ZDHHC7: variants seen among roughly 807,000 people sequenced by gnomAD.
ZDHHC7 encodes the protein zDHHC palmitoyltransferase 7, also known as palmitoyltransferase ZDHHC7.
A neutral mutation model predicts 34.1 loss-of-function variants in ZDHHC7; 12 were observed. The observed-to-expected ratio is 0.35, with a 90% confidence interval of 0.23 to 0.57. The LOEUF (loss-of-function observed/expected upper bound fraction) is 0.57, where lower values mean the gene tolerates loss of function less well. Among genes scored for constraint, ZDHHC7 ranks in the 20% least tolerant of loss-of-function variants. The pLI is 0.84. For synonymous variants in ZDHHC7, 185 were observed against 155.4 expected (o/e 1.19, Z -1.42); for missense variants, 388 against 402.7 (o/e 0.96, Z 0.31).
At chr16:85,000,554 G>C (rs1278181129) in intron 1 of ZDHHC7, among the ~76,000 whole-genome samples, 1 of 152,152 alleles carries the variant, frequency 6.6e-6, no homozygotes, top group Admixed American at 6.5e-5. Flanking sequence ...CCACCCTAGA[G>C]TCTGGTATCC....
At chr16:85,003,912 T>C (rs752531343) in intron 1 of ZDHHC7, among the ~76,000 whole-genome samples, 3 of 152,160 alleles carry the variant, frequency 2.0e-5, no homozygotes, top group African/African-American at 4.8e-5. Context: ...TCTGACTGGA[T>C]ACTTCTCCTC....
chr16:84,997,082 T>C (rs1597553373), intron 1 of ZDHHC7, among the ~76,000 whole-genome samples: 1 of 148,016 alleles, frequency 6.8e-6, no homozygotes, highest in African/African-American at 2.5e-5. Flanking sequence ...AAAACAGAAA[T>C]GAAGGGTAAG....
intron 1 of ZDHHC7, among the ~76,000 whole-genome samples, chr16:85,010,638 C>A (rs1463450346): frequency 1.3e-5 from 2 of 152,162 alleles, no homozygotes; most frequent in East Asian, 1.9e-4. Context: ...TCCAATTTAA[C>A]GGCCACAATA....
chr16:85,012,380 C>CAAAA (rs34555910), upstream of ZDHHC7, among the ~76,000 whole-genome samples: 1 of 116,628 alleles, frequency 8.6e-6, no homozygotes, highest in African/African-American at 3.1e-5. Context: ...TGAACAGTCT[C>CAAAA]AAAAAAAAAA....
chr16:84,979,396 C>A, intron 4 of ZDHHC7, 111 bp from the exon 5 acceptor site: 1 of 1,402,112 alleles, frequency 7.1e-7, no homozygotes, highest in African/African-American at 1.5e-5. Flanking sequence ...TCTAATACAA[C>A]ATGTCAAAAA....
At chr16:84,990,664 A>G (rs2072498199) in intron 2 of ZDHHC7, 29 bp from the exon 3 acceptor site, 1 of 1,569,326 alleles carries the variant, frequency 6.4e-7, no homozygotes. Context: ...CAGAGCTGGT[A>G]AGGCTCAAAA....
At chr16:84,992,484 GA>G (rs1384574119) in intron 2 of ZDHHC7, among the ~76,000 whole-genome samples, 1 of 152,038 alleles carries the variant, frequency 6.6e-6, no homozygotes, top group African/African-American at 2.4e-5. Flanking sequence ...GAAACAAAAA[GA>G]AAAAAGTGCA....
At chr16:85,015,194 G>C (rs917478414), upstream of ZDHHC7, among the ~76,000 whole-genome samples, 1 of 151,708 alleles carries the variant, frequency 6.6e-6, no homozygotes, top group African/African-American at 2.4e-5. Context: ...CCGCGTCCCA[G>C]GTTCAAGCGA....
intron 3 of ZDHHC7, among the ~76,000 whole-genome samples, chr16:84,986,098 C>A (rs79623702): frequency 8.5e-5 from 13 of 152,108 alleles, no homozygotes; most frequent in Non-Finnish European, 1.3e-4. Flanking sequence ...AAGATACACA[C>A]GTTTACAAAT....
At chr16:85,021,091 C>G in the ZDHHC7 span, among the ~76,000 whole-genome samples, 1,560 of 150,030 alleles carry the variant, frequency 0.01, 34 homozygotes, top group African/African-American at 0.037. Flanking sequence ...AGTGACAGAG[C>G]AAGACCCTCT....
At chr16:85,020,644 G>A in the ZDHHC7 span, among the ~76,000 whole-genome samples, 1 of 152,134 alleles carries the variant, frequency 6.6e-6, no homozygotes, top group African/African-American at 2.4e-5. Context: ...ATTCTTTAAG[G>A]CCCTGCGAGG....
intron 2 of ZDHHC7, among the ~76,000 whole-genome samples, chr16:84,990,933 C>T (rs139100294): frequency 1.9e-3 from 284 of 152,310 alleles, no homozygotes; most frequent in Middle Eastern, 0.01. Flanking sequence ...ACGCGAAGTC[C>T]CAGCACTGGG....
intron 1 of ZDHHC7, among the ~76,000 whole-genome samples, chr16:84,999,737 A>G (rs1436877428): frequency 6.6e-6 from 1 of 152,230 alleles, no homozygotes; most frequent in East Asian, 1.9e-4. Flanking sequence ...CCAAGGTAAC[A>G]TTGTAAGTTG....
chr16:84,977,918 A>T lies in ZDHHC7; in HGVS notation c.619+6T>A, dbSNP rs1473411663. The T allele has an allele frequency of 5.0e-6, 8 of 1,611,926 alleles. No individual in the cohort carries two copies. The highest frequency in any genetic ancestry group is 6.8e-6 in the Non-Finnish European group (8 of 1,178,220). On this transcript the variant is annotated splice_donor_region_variant and intron_variant, in intron 6 of 7. Coordinates refer to ENST00000313732, the MANE Select transcript of ZDHHC7 (RefSeq NM_017740.3). ...GCCAGGAATGACACATAGCCAGGGA[A>T]CTTACCAGTCCACTGCCCTCGGACA...
At chr16:85,012,734 A>G (rs2072810570), upstream of ZDHHC7, among the ~76,000 whole-genome samples, 1 of 151,884 alleles carries the variant, frequency 6.6e-6, no homozygotes, top group African/African-American at 2.4e-5. Flanking sequence ...GCGAAACCCC[A>G]TCTCTACTAA....
chr16:84,999,004 C>T (rs1252615112), intron 1 of ZDHHC7, among the ~76,000 whole-genome samples: 1 of 152,208 alleles, frequency 6.6e-6, no homozygotes, highest in Admixed American at 6.5e-5. Context: ...ATCCGCCCGC[C>T]TCAGCCTCCC....
chr16:85,010,004 G>T (rs1454636961), intron 1 of ZDHHC7, among the ~76,000 whole-genome samples: 2 of 149,858 alleles, frequency 1.3e-5, no homozygotes, highest in Admixed American at 6.7e-5. Flanking sequence ...CACTGTGCCT[G>T]GCCAAGTTCT....
At chr16:85,014,583 G>C (rs1427505840), upstream of ZDHHC7, among the ~76,000 whole-genome samples, 1 of 152,142 alleles carries the variant, frequency 6.6e-6, no homozygotes, top group Non-Finnish European at 1.5e-5. Context: ...GCGAGGAAGG[G>C]AGTTAACCTA....
chr16:85,025,007 T>C, the ZDHHC7 span, among the ~76,000 whole-genome samples: 94 of 152,280 alleles, frequency 6.2e-4, no homozygotes, highest in African/African-American at 2.2e-3. Context: ...CCAGGCGTGG[T>C]GGCTCACGCC....
Sources: gnomAD v4.1 joint callset for allele counts (sites outside exome capture counted in the v4.1 genomes callset) on GRCh38, gnomAD v4.1.1 for gene constraint, MANE v1.5 for transcripts, NCBI Gene and HGNC (gene_info 2026-07-23, HGNC 2026-07-21) for gene names.